AKAP19: variants seen among roughly 807,000 people sequenced by gnomAD.
The protein encoded by AKAP19 is A-kinase anchoring protein 19.
At chr2:189,897,101 T>C in the AKAP19 span, among the ~76,000 whole-genome samples, 1 of 152,118 alleles carries the variant, frequency 6.6e-6, no homozygotes, top group South Asian at 2.1e-4. Flanking sequence ...ATGTTTACTT[T>C]GAAGAGTTTG....
the AKAP19 span, among the ~76,000 whole-genome samples, chr2:190,080,190 T>A: frequency 2.0e-5 from 3 of 152,224 alleles, no homozygotes; most frequent in Admixed American, 6.5e-5. Flanking sequence ...GATGTAGTTT[T>A]TTAAATAAAT....
chr2:190,156,386 A>G, the AKAP19 span, among the ~76,000 whole-genome samples: 7 of 152,310 alleles, frequency 4.6e-5, no homozygotes, highest in Non-Finnish European at 8.8e-5. Flanking sequence ...GATAGGACCT[A>G]GAAGTTATAA....
At chr2:190,180,430 C>T in the AKAP19 span, 2 of 979,850 alleles carry the variant, frequency 2.0e-6, no homozygotes, top group African/African-American at 3.5e-5. The surrounding 1 kb of genome is among the most constrained non-coding windows in gnomAD (Gnocchi z 6.8). Context: ...GTTCGCAGCC[C>T]AGGGGGCCGA....
the AKAP19 span, among the ~76,000 whole-genome samples, chr2:190,102,379 C>T: frequency 6.6e-6 from 1 of 151,706 alleles, no homozygotes; most frequent in Admixed American, 6.6e-5. Flanking sequence ...AAAATTCACA[C>T]AAAGAATCAA....
chr2:190,083,397 T>C, the AKAP19 span, among the ~76,000 whole-genome samples: 61 of 152,142 alleles, frequency 4.0e-4, no homozygotes, highest in Non-Finnish European at 7.4e-4. Context: ...TCTACTCTCT[T>C]GTCAACCTAA....
At chr2:190,025,715 C>G in the AKAP19 span, among the ~76,000 whole-genome samples, 2 of 152,124 alleles carry the variant, frequency 1.3e-5, no homozygotes, top group African/African-American at 4.8e-5. Context: ...GAGATGCCAT[C>G]GATATAACTG....
the AKAP19 span, among the ~76,000 whole-genome samples, chr2:189,926,640 G>T: frequency 1.5e-5 from 2 of 135,800 alleles, no homozygotes; most frequent in African/African-American, 5.5e-5. Context: ...GAGTGCAGTG[G>T]CGCGATCTCG....
the AKAP19 span, among the ~76,000 whole-genome samples, chr2:190,173,050 C>T: frequency 5.9e-5 from 9 of 151,608 alleles, no homozygotes; most frequent in South Asian, 2.1e-4. Flanking sequence ...GGGAGGCAGA[C>T]GTTGCAGTGA....
the AKAP19 span, chr2:190,057,314 G>T: frequency 6.8e-6 from 11 of 1,613,286 alleles, no homozygotes; most frequent in Admixed American, 1.2e-4. Flanking sequence ...TATATTATTT[G>T]TTCTTTGCCA....
At chr2:190,134,416 G>A in the AKAP19 span, among the ~76,000 whole-genome samples, 6 of 151,928 alleles carry the variant, frequency 3.9e-5, no homozygotes, top group Admixed American at 2.6e-4. Flanking sequence ...ATCAATTATT[G>A]GTATTTTATT....
At chr2:190,158,026 T>G in the AKAP19 span, among the ~76,000 whole-genome samples, 2 of 152,356 alleles carry the variant, frequency 1.3e-5, no homozygotes, top group South Asian at 2.1e-4. Flanking sequence ...AAACCGATGT[T>G]ATTCATAGAT....
the AKAP19 span, among the ~76,000 whole-genome samples, chr2:190,038,380 T>A: frequency 0.12 from 17,938 of 152,214 alleles, 1,358 homozygotes; most frequent in Middle Eastern, 0.21. Context: ...GAGGTCAGGA[T>A]CTAGTGTAGA....
At chr2:190,025,331 A>G in the AKAP19 span, among the ~76,000 whole-genome samples, 4 of 152,194 alleles carry the variant, frequency 2.6e-5, no homozygotes, top group African/African-American at 9.7e-5. Context: ...TTGCCTTCAG[A>G]TCCTCATCTC....
chr2:190,157,157 T>A, the AKAP19 span, among the ~76,000 whole-genome samples: 1 of 152,180 alleles, frequency 6.6e-6, no homozygotes, highest in Admixed American at 6.5e-5. Context: ...GTAATAATTT[T>A]ACAGGGTAGG....
the AKAP19 span, among the ~76,000 whole-genome samples, chr2:190,097,859 C>CAAAAAAAA: frequency 3.3e-4 from 21 of 64,454 alleles, no homozygotes; most frequent in African/African-American, 9.6e-4. Context: ...TGGTTTCTAC[C>CAAAAAAAA]AAAAAAAAAA....
chr2:189,919,713 C>T, the AKAP19 span, among the ~76,000 whole-genome samples: 1 of 152,170 alleles, frequency 6.6e-6, no homozygotes, highest in South Asian at 2.1e-4. Flanking sequence ...CTGTATAGGA[C>T]ATGATCTCAT....
the AKAP19 span, among the ~76,000 whole-genome samples, chr2:190,126,917 C>A: frequency 6.6e-6 from 1 of 152,024 alleles, no homozygotes; most frequent in Non-Finnish European, 1.5e-5. Context: ...CACACACTCT[C>A]CTCAAGTTTC....
the AKAP19 span, among the ~76,000 whole-genome samples, chr2:189,898,629 G>T: frequency 6.6e-6 from 1 of 152,136 alleles, no homozygotes; most frequent in Non-Finnish European, 1.5e-5. Context: ...AAGCTCTCAA[G>T]TTGGGAACAT....
chr2:190,053,297 C>T, the AKAP19 span, among the ~76,000 whole-genome samples: 6 of 152,042 alleles, frequency 3.9e-5, no homozygotes, highest in Non-Finnish European at 7.4e-5. Context: ...GAACATCTTG[C>T]GTTCTTGACA....
Sources: allele counts gnomAD v4.1 joint callset (sites outside exome capture counted in the v4.1 genomes callset), GRCh38; gene constraint gnomAD v4.1.1; non-coding constraint Gnocchi (gnomAD v3.1); transcripts MANE v1.5; gene names NCBI Gene and HGNC (gene_info 2026-07-23, HGNC 2026-07-21).